Variants in ARHGAP20 observed in about 807,000 individuals in gnomAD.
ARHGAP20 encodes Rho GTPase activating protein 20, also known as rho GTPase-activating protein 20.
Under a neutral mutation model 73.7 loss-of-function variants are expected in ARHGAP20, and 34 were observed. That is an observed-to-expected ratio of 0.46 (90% CI 0.35 to 0.61). ARHGAP20 has a LOEUF of 0.61. Ranked by LOEUF, ARHGAP20 falls within the 20% of genes least tolerant of loss-of-function variation. The probability of loss-of-function intolerance (pLI) is 0.00; values close to 1 mark genes in which losing one functional copy is unlikely to be tolerated. For missense variants in ARHGAP20, 1,314 were observed against 1,420.9 expected, an observed-to-expected ratio of 0.92 and a Z score of 1.21; for synonymous variants, 523 against 518.2, an observed-to-expected ratio of 1.01 and a Z score of -0.13.
In ARHGAP20 at chr11:110,682,453, T is replaced by G. The variant is rs147409990; in HGVS notation, c.188+8094A>C. ...AAGGGGAAGTACCAGGATTTAGACC[T>G]GGCAATTTGGTTTCAGAGTCTATGC... On this transcript the variant is annotated intron_variant, in intron 2 of 14. Transcript: ENST00000683387. Among the ~76,000 whole-genome samples the G allele has an allele frequency of 1.2e-3, 188 of 152,304 alleles. 1 individual carries two copies. Among genetic ancestry groups the G allele is most frequent in the African/African-American group, 4.1e-3 (171 of 41,568 alleles).
chr11:110,665,373 C>T (rs56238234), intron 2 of ARHGAP20, among the ~76,000 whole-genome samples: 6,673 of 152,034 alleles, frequency 0.044, 216 homozygotes, highest in Non-Finnish European at 0.067. Flanking sequence ...AATAGAGATT[C>T]CTGTTCCTGA....
chr11:110,580,524 G>C lies in ARHGAP20; in HGVS notation c.2422C>G (p.Pro808Ala). ...PVAISVASYS[P>A]MSSQDHSKNQ... ...TTGGAATGATCCTGTGAGGACATAG[G>C]ACTATAAGATGCCACAGAAATGGCC... Residue 808 changes from proline (P) to alanine (A), a missense_variant, in exon 15 of 15, where the codon CCT (proline) becomes GCT (alanine). Around this residue, in one of 3 missense-constraint regions of ARHGAP20, gnomAD observed 641 missense variants for 636.9 expected, o/e 1.01. Transcript: ENST00000683387. 1 of 1,614,176 alleles carries C rather than the reference G, an allele frequency of 6.2e-7. No individual in the cohort carries two copies. Among genetic ancestry groups the C allele is most frequent in the Non-Finnish European group, 8.5e-7 (1 of 1,180,038 alleles).
At chr11:110,603,555 T>A (rs11213497) in intron 9 of ARHGAP20, among the ~76,000 whole-genome samples, 2,875 of 152,326 alleles carry the variant, frequency 0.019, 93 homozygotes, top group African/African-American at 0.066. Context: ...TTGATTCACA[T>A]ACAAATGTAC....
intron 1 of ARHGAP20, among the ~76,000 whole-genome samples, chr11:110,707,855 A>AT (rs1950576797): frequency 7.1e-6 from 1 of 140,850 alleles, no homozygotes; most frequent in African/African-American, 2.7e-5. Flanking sequence ...CCATTTATTC[A>AT]TTTTTTTGTT....
At chr11:110,701,117 G>T (rs1218613017) in intron 1 of ARHGAP20, among the ~76,000 whole-genome samples, 1 of 151,780 alleles carries the variant, frequency 6.6e-6, no homozygotes, top group Non-Finnish European at 1.5e-5. Flanking sequence ...TAATGGGATG[G>T]CTGGGTCAAA....
chr11:110,656,206 C>T (rs1591145525), intron 2 of ARHGAP20, among the ~76,000 whole-genome samples: 1 of 152,082 alleles, frequency 6.6e-6, no homozygotes, highest in Admixed American at 6.5e-5. Context: ...AAGCAGTACA[C>T]TCCTACTGCT....
intron 2 of ARHGAP20, among the ~76,000 whole-genome samples, chr11:110,668,098 G>A (rs895913827): frequency 6.6e-6 from 1 of 152,178 alleles, no homozygotes; most frequent in Non-Finnish European, 1.5e-5. Flanking sequence ...GAAGTTCTGT[G>A]GGAAAAATGC....
intron 2 of ARHGAP20, among the ~76,000 whole-genome samples, chr11:110,649,072 T>TA (rs1359763720): frequency 5.3e-5 from 8 of 152,128 alleles, no homozygotes; most frequent in African/African-American, 1.9e-4. Context: ...TCTAACATTT[T>TA]AATTTAAATA....
intron 9 of ARHGAP20, among the ~76,000 whole-genome samples, chr11:110,604,537 A>T (rs1948179540): frequency 6.6e-6 from 1 of 152,182 alleles, no homozygotes; most frequent in Non-Finnish European, 1.5e-5. Flanking sequence ...ACAGGTGCAA[A>T]GGTAGAAGAG....
At chr11:110,591,397 T>C (rs138577061) in intron 10 of ARHGAP20, among the ~76,000 whole-genome samples, 24 of 152,364 alleles carry the variant, frequency 1.6e-4, no homozygotes, top group Admixed American at 5.9e-4. Context: ...CTTGCATTTA[T>C]AGATGCATAA....
chr11:110,629,335 G>T (rs1948813870), intron 3 of ARHGAP20, among the ~76,000 whole-genome samples: 1 of 152,066 alleles, frequency 6.6e-6, no homozygotes, highest in African/African-American at 2.4e-5. Flanking sequence ...CTCTTATCTT[G>T]GGGGATTGTT....
In ARHGAP20 at chr11:110,590,537, A is replaced by C. The variant is rs961959341; in HGVS notation, c.1305+111T>G. On this transcript the variant is annotated intron_variant, in intron 11 of 14. Transcript: ENST00000683387. The stretch of plus-strand genomic sequence containing the variant: ...TTTTAGTGTTAAAAATTATGTTAAT[A>C]AATCTATTATGGGTCTTTGCAAATA... The C allele has an allele frequency of 1.2e-5, 14 of 1,148,966 alleles. No individual in the cohort carries two copies. The Middle Eastern group carries it at 9.2e-4, about 76-fold the overall frequency. 71.2% of individuals were successfully genotyped at this position (1,148,966 alleles called of 1,614,324 possible). A position where few individuals can be genotyped will look rare whatever the true frequency, so the allele number is the denominator to read the frequency against.
intron 10 of ARHGAP20, among the ~76,000 whole-genome samples, chr11:110,591,496 C>G (rs954191356): frequency 3.3e-5 from 5 of 152,172 alleles, no homozygotes; most frequent in African/African-American, 1.2e-4. Flanking sequence ...AAAATATCAA[C>G]TGGAGATAAT....
At chr11:110,633,912 T>G (rs1305149458) in intron 2 of ARHGAP20, among the ~76,000 whole-genome samples, 1 of 152,196 alleles carries the variant, frequency 6.6e-6, no homozygotes, top group South Asian at 2.1e-4. Context: ...GACAGGTGCA[T>G]AAATAACTCT....
intron 1 of ARHGAP20, among the ~76,000 whole-genome samples, chr11:110,707,082 A>T (rs1373714632): frequency 6.6e-6 from 1 of 152,154 alleles, no homozygotes; most frequent in East Asian, 1.9e-4. Context: ...TAGAAAGGAA[A>T]GGCAGAATGA....
intron 2 of ARHGAP20, among the ~76,000 whole-genome samples, chr11:110,661,666 G>A (rs1364235706): frequency 6.6e-6 from 1 of 151,612 alleles, no homozygotes; most frequent in African/African-American, 2.4e-5. Context: ...CATTTATTTA[G>A]CATAACATAT....
chr11:110,612,685 C>G (rs1449588587), intron 6 of ARHGAP20, among the ~76,000 whole-genome samples: 1 of 152,076 alleles, frequency 6.6e-6, no homozygotes, highest in Non-Finnish European at 1.5e-5. Context: ...AAAATAAAGG[C>G]AAATGAAATC....
At chr11:110,658,105 T>G (rs192788271) in intron 2 of ARHGAP20, among the ~76,000 whole-genome samples, 2 of 152,292 alleles carry the variant, frequency 1.3e-5, no homozygotes, top group Admixed American at 6.5e-5. Flanking sequence ...GATAGTTGAG[T>G]AAGCCTTTTA....
intron 2 of ARHGAP20, among the ~76,000 whole-genome samples, chr11:110,654,355 C>T (rs1026760762): frequency 1.3e-5 from 2 of 152,080 alleles, no homozygotes; most frequent in African/African-American, 4.8e-5. Flanking sequence ...TATTAAAAGT[C>T]GTCATTCTCA....
Sources: gnomAD v4.1 joint callset for allele counts (sites outside exome capture counted in the v4.1 genomes callset) on GRCh38, gnomAD v4.1.1 for gene constraint, gnomAD v4.1.1 regional missense constraint, MANE v1.5 for transcripts, NCBI Gene and HGNC (gene_info 2026-07-23, HGNC 2026-07-21) for gene names.